Variants in DNAH8 observed in about 807,000 individuals in gnomAD.
DNAH8 encodes the protein dynein axonemal heavy chain 8, also known as axonemal beta dynein heavy chain 8.
DNAH8 carries 382 observed loss-of-function variants against 562.1 expected under a neutral mutation model. The ratio of observed to expected loss-of-function variants is 0.68; its 90% CI spans 0.63 to 0.74. The LOEUF (loss-of-function observed/expected upper bound fraction) is 0.74. Among genes scored for constraint, DNAH8 ranks in the 30% least tolerant of loss-of-function variants. The probability of loss-of-function intolerance (pLI) is 0.00; values close to 1 mark genes in which losing one functional copy is unlikely to be tolerated. For missense variants in DNAH8, 5,203 were observed against 5,620.4 expected (o/e 0.93, Z 2.37); for synonymous variants, 1,881 against 1,919.4 (o/e 0.98, Z 0.52).
chr6:38,959,301 T>G (rs531946403), intron 82 of DNAH8, among the ~76,000 whole-genome samples: 48 of 152,194 alleles, frequency 3.2e-4, no homozygotes, highest in African/African-American at 1.1e-3. Flanking sequence ...GAGAAAGAAA[T>G]AAAAAGCATC....
chr6:38,782,904 A>G (rs1298293271), intron 16 of DNAH8, 100 bp from the exon 17 acceptor site: 3 of 1,106,262 alleles, frequency 2.7e-6, no homozygotes, highest in Non-Finnish European at 3.9e-6. Flanking sequence ...AACTGGTAGC[A>G]TAATTATTTG....
Position 38,850,864 on chromosome 6 carries a change from G to A in DNAH8, c.5363+450G>A, listed in dbSNP as rs931251252. 2.6e-5 allele frequency among the ~76,000 whole-genome samples: 4 copies of A among 151,974 alleles called. No homozygotes were observed. The East Asian group carries it at 7.7e-4, about 29-fold the overall frequency. ...CCTCTTCCTGTGTGTCTCTTATGACGACATTTGTCACTGGATTCAGGGCTC... is the reference window on the plus strand; with the variant it reads ...CCTCTTCCTGTGTGTCTCTTATGACAACATTTGTCACTGGATTCAGGGCTC... On this transcript the variant is annotated intron_variant, in intron 38 of 92. Coordinates refer to ENST00000327475, the MANE Select transcript of DNAH8 (RefSeq NM_001206927.2).
intron 62 of DNAH8, among the ~76,000 whole-genome samples, chr6:38,903,421 G>A (rs1388812003): frequency 1.3e-5 from 2 of 152,014 alleles, no homozygotes; most frequent in South Asian, 2.1e-4. Context: ...CTCAGAGTTA[G>A]AACTCACTCA....
At chr6:38,766,139 A>ATGTGTGTGTGTGTGCGTGCGTG (rs57039279) in intron 11 of DNAH8, among the ~76,000 whole-genome samples, 1 of 150,892 alleles carries the variant, frequency 6.6e-6, no homozygotes, top group African/African-American at 2.4e-5. Flanking sequence ...ATGTGTTTGT[A>ATGTGTGTGTGTGTGCGTGCGTG]TGTGTGTGTG....
At chr6:38,747,603 T>C (rs898302971) in intron 8 of DNAH8, among the ~76,000 whole-genome samples, 2 of 152,178 alleles carry the variant, frequency 1.3e-5, no homozygotes, top group Non-Finnish European at 2.9e-5. Context: ...GCCAAGCTGG[T>C]CTTGAACTCC....
At chr6:38,763,435 G>A (rs1057459118) in intron 11 of DNAH8, 5 of 312,458 alleles carry the variant, frequency 1.6e-5, no homozygotes, top group African/African-American at 1.1e-4. Flanking sequence ...AGCAACAAGA[G>A]CTCAAAGAAA....
rs1377616541 is a variant in DNAH8 at position 38,853,251 on chromosome 6, G to A, written c.5637G>A (p.Gln1879=). ...EIWLLDLLKM[Q]MSSLHNIIRS... The stretch of plus-strand genomic sequence containing the variant: ...GGCTACTGGATTTGTTAAAAATGCA[G>A]ATGTCATCATTACATAATATAATTA... Residue 1879 remains glutamine (Q), a synonymous_variant, in exon 41 of 93, where the codon CAG becomes CAA. Transcript: ENST00000327475. The A allele has an allele frequency of 4.3e-6, 7 of 1,613,184 alleles. No homozygotes were observed. The Admixed American group carries it at 1.2e-4, about 27-fold the overall frequency.
At chr6:38,823,112 G>A in intron 27 of DNAH8, 78 bp downstream of exon 27, 4 of 1,314,530 alleles carry the variant, frequency 3.0e-6, no homozygotes, top group Non-Finnish European at 4.1e-6. Context: ...AAAATATCAG[G>A]GATAATGACA....
intron 26 of DNAH8, among the ~76,000 whole-genome samples, chr6:38,819,246 C>A (rs1583091000): frequency 6.6e-6 from 1 of 152,032 alleles, no homozygotes; most frequent in South Asian, 2.1e-4. Context: ...TAGGGATAAA[C>A]ATGTTGGTTT....
intron 29 of DNAH8, among the ~76,000 whole-genome samples, chr6:38,826,850 C>T (rs981270116): frequency 5.9e-5 from 9 of 152,144 alleles, no homozygotes; most frequent in African/African-American, 2.2e-4. Flanking sequence ...GAACTTACAT[C>T]AATGAAAAAT....
rs1182083431 is a variant in DNAH8, at chr6:38,870,568, G to T, written c.6990+6G>T. ...GGAACCTGAAACTCGTGCAGGTAAA[G>T]ACATTTTAATCTATTATTAGTATAA... On this transcript the variant is annotated splice_donor_region_variant and intron_variant, in intron 49 of 92. Transcript: ENST00000327475. The T allele has an allele frequency of 2.5e-6, 4 of 1,611,322 alleles. No homozygotes were observed. Among genetic ancestry groups the T allele is most frequent in the Admixed American group, 1.7e-5 (1 of 59,880 alleles).
Position 38,911,582 on chromosome 6 carries a change from T to A in DNAH8, c.9855T>A (p.Asn3285Lys). ...KFINEQAERM[N>K]IGLDKLMEAS... ...TTAATGAACAGGCTGAACGTATGAA[T>A]ATTGGTAAGAGGAATGGAATGGAAT... Residue 3285 changes from asparagine to lysine, a missense_variant, in exon 66 of 93, where the codon AAT becomes AAA. Coordinates refer to ENST00000327475, the MANE Select transcript of DNAH8 (RefSeq NM_001206927.2). 1 of 1,582,498 alleles carries A rather than the reference T, an allele frequency of 6.3e-7. No individual in the cohort carries two copies. The highest frequency in any genetic ancestry group is 8.7e-7 in the Non-Finnish European group (1 of 1,151,398).
intron 32 of DNAH8, 110 bp downstream of exon 32, chr6:38,834,751 C>T (rs775672450): frequency 1.1e-5 from 9 of 800,998 alleles, no homozygotes; most frequent in Non-Finnish European, 1.9e-5. Context: ...TCAAGTACAT[C>T]AGTCCTTAAT....
intron 21 of DNAH8, among the ~76,000 whole-genome samples, chr6:38,800,701 G>A (rs1005341081): frequency 1.3e-5 from 2 of 152,094 alleles, no homozygotes; most frequent in Non-Finnish European, 2.9e-5. Context: ...ATTTTTAGTA[G>A]AGAGGGGGTT....
At position 38,876,218 on chromosome 6, in the gene DNAH8, T is replaced by G. The variant is rs1777984433; in HGVS notation, c.7858+390T>G. Among the ~76,000 whole-genome samples the G allele has an allele frequency of 2.0e-5, 3 of 152,192 alleles. No homozygotes were observed. The South Asian group carries it at 6.2e-4, about 32-fold the overall frequency. On this transcript the variant is annotated intron_variant, in intron 53 of 92. Transcript: ENST00000327475. Reference sequence around the variant, plus strand: ...AATTCCCCTGTTGGGAATGCCAGAATGAGTAGAGAATGAACGTAGCAGATT... The same window carrying G: ...AATTCCCCTGTTGGGAATGCCAGAAGGAGTAGAGAATGAACGTAGCAGATT...
intron 79 of DNAH8, among the ~76,000 whole-genome samples, chr6:38,944,909 C>T (rs887417573): frequency 3.9e-5 from 6 of 152,008 alleles, no homozygotes; most frequent in Non-Finnish European, 7.4e-5. Flanking sequence ...TATTCCCCCC[C>T]TCTTTTTATC....
Position 38,921,357 on chromosome 6 carries a change from T to C in DNAH8, c.10525-12T>C. 6.2e-7 allele frequency: 1 copy of C among 1,611,100 alleles called. No individual in the cohort carries two copies. Among genetic ancestry groups the C allele is most frequent in the Non-Finnish European group, 8.5e-7 (1 of 1,179,054 alleles). ...TGCAGCTAATACACTAACCACGTCT[T>C]CTTCTTTTCAGGCCAACCTGGCCAA... On this transcript the variant is annotated splice_polypyrimidine_tract_variant and intron_variant, in intron 70 of 92. Coordinates refer to ENST00000327475, the MANE Select transcript of DNAH8 (RefSeq NM_001206927.2).
intron 8 of DNAH8, among the ~76,000 whole-genome samples, chr6:38,746,456 G>T (rs1477029093): frequency 1.3e-5 from 2 of 152,032 alleles, no homozygotes; most frequent in African/African-American, 4.8e-5. Flanking sequence ...TTATTTTATT[G>T]GAGAGTAGTA....
At chr6:38,853,622 C>CGT (rs147843227) in intron 41 of DNAH8, among the ~76,000 whole-genome samples, 97 of 150,986 alleles carry the variant, frequency 6.4e-4, no homozygotes, top group South Asian at 1.5e-3. Context: ...CATATGTAAG[C>CGT]GTGTGTGTGT....
Sources: allele counts gnomAD v4.1 joint callset (sites outside exome capture counted in the v4.1 genomes callset), GRCh38; gene constraint gnomAD v4.1.1; transcripts MANE v1.5; gene names NCBI Gene and HGNC (gene_info 2026-07-23, HGNC 2026-07-21).